The following CAST variants were observed in gnomAD, a reference collection of about 807,000 sequenced individuals.
CAST encodes calpastatin.
A neutral mutation model predicts 119.6 loss-of-function variants in CAST; 76 were observed. That is an observed-to-expected ratio of 0.64 (90% CI 0.53 to 0.77). CAST has a LOEUF of 0.77. Among genes scored for constraint, CAST ranks in the 30% least tolerant of loss-of-function variants. The pLI is 0.00. For synonymous variants in CAST, 319 were observed against 331.6 expected (o/e 0.96, Z 0.41); for missense variants, 953 against 946.5 (o/e 1.01, Z -0.09).
At chr5:96,616,720 C>CGCTT (rs1354148122) in intron 1 of CAST, among the ~76,000 whole-genome samples, 7 of 140,536 alleles carry the variant, frequency 5.0e-5, no homozygotes, top group African/African-American at 2.0e-4. Flanking sequence ...AGACACCAAG[C>CGCTT]GCTCGCTCGC....
At chr5:96,237,637 A>G in the CAST span, among the ~76,000 whole-genome samples, 13 of 152,070 alleles carry the variant, frequency 8.5e-5, no homozygotes, top group East Asian at 2.1e-3. Flanking sequence ...CAGTTTGTCT[A>G]TATCTTCTTA....
chr5:96,304,334 A>G, the CAST span, among the ~76,000 whole-genome samples: 3 of 152,120 alleles, frequency 2.0e-5, no homozygotes. Flanking sequence ...AGTTCTTTGT[A>G]TATTCTGGAT....
At chr5:96,590,010 A>G (rs952135713) in intron 1 of CAST, among the ~76,000 whole-genome samples, 1 of 152,240 alleles carries the variant, frequency 6.6e-6, no homozygotes, top group Admixed American at 6.5e-5. Flanking sequence ...TAGTCAAATG[A>G]GAGTATTAGA....
the CAST span, chr5:96,425,888 G>A: frequency 6.8e-6 from 11 of 1,612,514 alleles, no homozygotes; most frequent in Non-Finnish European, 9.3e-6. Context: ...AGAGCTGAAC[G>A]TTTACTTCTT....
the CAST span, among the ~76,000 whole-genome samples, chr5:96,309,470 A>G: frequency 1.3e-5 from 2 of 152,216 alleles, no homozygotes; most frequent in African/African-American, 2.4e-5. Flanking sequence ...ACGATTCTGT[A>G]TCACTAGCAT....
chr5:96,723,648 G>A (rs1407188648), intron 4 of CAST, among the ~76,000 whole-genome samples: 1 of 152,160 alleles, frequency 6.6e-6, no homozygotes, highest in African/African-American at 2.4e-5. Flanking sequence ...GCTGGCTGCA[G>A]CTGCCTTTTA....
chr5:96,365,677 G>A, the CAST span, among the ~76,000 whole-genome samples: 1 of 152,146 alleles, frequency 6.6e-6, no homozygotes, highest in South Asian at 2.1e-4. Context: ...CATTTGCTTG[G>A]AAGATCTTCC....
At chr5:96,379,729 T>C in the CAST span, 5 of 152,334 alleles carry the variant, frequency 3.3e-5, no homozygotes, top group East Asian at 9.6e-4. Flanking sequence ...ACAATATTTT[T>C]GATTCTATAG....
chr5:96,623,341 C>G (rs927644371), intron 1 of CAST, among the ~76,000 whole-genome samples: 1 of 152,078 alleles, frequency 6.6e-6, no homozygotes, highest in Admixed American at 6.5e-5. Flanking sequence ...AACATGAATA[C>G]ATGGGCATGA....
chr5:96,576,698 T>C (rs1231519375), intron 1 of CAST, among the ~76,000 whole-genome samples: 1 of 152,044 alleles, frequency 6.6e-6, no homozygotes, highest in Non-Finnish European at 1.5e-5. Context: ...TTTTTTTAAA[T>C]GTTGTAGGGC....
the CAST span, among the ~76,000 whole-genome samples, chr5:96,493,008 C>CA: frequency 1.3e-5 from 2 of 151,782 alleles, no homozygotes; most frequent in African/African-American, 2.4e-5. Flanking sequence ...CAAAAACAAA[C>CA]AAAAAAATAC....
chr5:96,749,531 C>T (rs28103), intron 19 of CAST, among the ~76,000 whole-genome samples: 65,010 of 151,914 alleles, frequency 0.43, 14,258 homozygotes, highest in South Asian at 0.47. Context: ...TGCTTCTGTT[C>T]TTTTTGTTTG....
At position 96,750,717 on chromosome 5, in the gene CAST, G is replaced by A. The variant is rs953740662; in HGVS notation, c.1524+35G>A. 3.0e-6 allele frequency: 4 copies of A among 1,349,032 alleles called. No individual in the cohort carries two copies. In the African/African-American group the frequency reaches 4.3e-5, roughly 14 times the overall value. The allele number at this position is 1,349,032 out of a possible 1,614,324, so 83.6% of individuals were successfully genotyped here. The stretch of plus-strand genomic sequence containing the variant: ...TCCCTGGGCATTTGAGCAGTGGCTT[G>A]AGAAAGTTTTCTGCCTCCTCCTGTC... On this transcript the variant is annotated intron_variant, in intron 20 of 31. Coordinates refer to ENST00000675179, the MANE Select transcript of CAST (RefSeq NM_001750.7).
At chr5:95,977,196 G>A in the CAST span, among the ~76,000 whole-genome samples, 2 of 152,212 alleles carry the variant, frequency 1.3e-5, no homozygotes, top group Non-Finnish European at 2.9e-5. Context: ...CAATAGGAAT[G>A]TATTTCTGAC....
intron 20 of CAST, among the ~76,000 whole-genome samples, chr5:96,751,219 T>TC (rs374511465): frequency 2.6e-5 from 4 of 152,156 alleles, no homozygotes; most frequent in Non-Finnish European, 5.9e-5. Context: ...GTGTTTTTTT[T>TC]CCATTAGTTA....
At chr5:96,337,717 T>C in the CAST span, among the ~76,000 whole-genome samples, 1 of 152,228 alleles carries the variant, frequency 6.6e-6, no homozygotes, top group Admixed American at 6.5e-5. Flanking sequence ...AGTTCAAAGC[T>C]GGACTGCTGT....
intron 1 of CAST, among the ~76,000 whole-genome samples, chr5:96,624,974 T>G (rs1011724412): frequency 9.2e-5 from 14 of 152,230 alleles, no homozygotes; most frequent in Admixed American, 7.2e-4. Context: ...ATTTGTTGTG[T>G]GCAATTTTTA....
At chr5:96,277,662 G>A in the CAST span, among the ~76,000 whole-genome samples, 2 of 152,088 alleles carry the variant, frequency 1.3e-5, no homozygotes, top group Non-Finnish European at 2.9e-5. Context: ...TAATATCAGT[G>A]TGGAGAAGAG....
chr5:96,447,645 G>C, the CAST span, among the ~76,000 whole-genome samples: 1 of 152,066 alleles, frequency 6.6e-6, no homozygotes, highest in South Asian at 2.1e-4. Flanking sequence ...GGGAACACTT[G>C]GTCAAAGCTT....
Sources: gnomAD v4.1 joint callset for allele counts (sites outside exome capture counted in the v4.1 genomes callset) on GRCh38, gnomAD v4.1.1 for gene constraint, MANE v1.5 for transcripts, NCBI Gene and HGNC (gene_info 2026-07-23, HGNC 2026-07-21) for gene names.